RAB4A: variants seen among roughly 807,000 people sequenced by gnomAD.
The protein encoded by RAB4A is RAB4A, member RAS oncogene family, also known as ras-related protein Rab-4A.
In RAB4A, 20 loss-of-function variants were observed where a neutral mutation model predicts 34.5. The observed-to-expected ratio is 0.58, with a 90% CI of 0.41 to 0.84. The LOEUF is 0.84. Among genes scored for constraint, RAB4A ranks in the 40% least tolerant of loss-of-function variants. The pLI, the probability that RAB4A is intolerant of heterozygous loss-of-function variation, is 0.00. For synonymous variants in RAB4A, 102 were observed against 100.0 expected, an observed-to-expected ratio of 1.02 and a Z score of -0.12; for missense variants, 228 against 274.5, an observed-to-expected ratio of 0.83 and a Z score of 1.20.
chr1:229,299,745 A>G (rs1459111381), intron 6 of RAB4A, among the ~76,000 whole-genome samples: 2 of 152,180 alleles, frequency 1.3e-5, no homozygotes, highest in African/African-American at 4.8e-5. Flanking sequence ...AAATGAATAA[A>G]TCACACCCCT....
intron 1 of RAB4A, among the ~76,000 whole-genome samples, chr1:229,272,884 G>A (rs941423105): frequency 1.3e-5 from 2 of 152,216 alleles, no homozygotes; most frequent in East Asian, 1.9e-4. Context: ...CCTAGAAGGC[G>A]TAGGAAATCC....
intron 7 of RAB4A, 32 bp from the exon 8 acceptor site, chr1:229,303,774 C>G (rs1402403064): frequency 6.6e-6 from 1 of 152,174 alleles, no homozygotes; most frequent in African/African-American, 2.4e-5. Context: ...TATAGTTATG[C>G]AGATTTTGAA....
At position 229,305,296 on chromosome 1, in the gene RAB4A, T is replaced by C. The variant is rs182259062; in HGVS notation, c.*1503T>C. The C allele has an allele frequency of 2.0e-5, 32 of 1,589,950 alleles. No individual in the cohort carries two copies. Among genetic ancestry groups the C allele is most frequent in the Non-Finnish European group, 2.7e-5 (32 of 1,171,116 alleles). On this transcript the variant is annotated 3_prime_UTR_variant, in exon 8 of 8. Coordinates refer to ENST00000366690, the MANE Select transcript of RAB4A (RefSeq NM_004578.4). ...AGAATATTTTATTCAATGTCTCATTTATGATAGATTTGCAAGCTGCTCATT... is the reference window on the plus strand; with the variant it reads ...AGAATATTTTATTCAATGTCTCATTCATGATAGATTTGCAAGCTGCTCATT...
rs36017250 is a variant in RAB4A, at chr1:229,288,788, G to T, written c.172G>T (p.Gly58Cys). ...VEFGSKIINV[G>C]GKYVKLQIWD... The stretch of plus-strand genomic sequence containing the variant: ...ATTTGGTTCAAAGATAATAAATGTT[G>T]GTGGTAAATATGTAAAGTTACAAAT... Residue 58 changes from glycine to cysteine, a missense_variant, in exon 3 of 8, where the codon GGT (glycine) becomes TGT (cysteine). Gly to Cys is a radical substitution (Grantham distance 159, BLOSUM62 -3). Transcript: ENST00000366690. 55 of 1,598,348 alleles carry T rather than the reference G, an allele frequency of 3.4e-5. No homozygotes were observed. The African/African-American group carries it at 7.0e-4, about 20-fold the overall frequency.
intron 4 of RAB4A, among the ~76,000 whole-genome samples, chr1:229,297,121 A>G (rs963613851): frequency 1.3e-5 from 2 of 152,254 alleles, no homozygotes; most frequent in African/African-American, 2.4e-5. Flanking sequence ...GCAAGGATTC[A>G]TTAAGTGGCA....
At chr1:229,285,972 C>T (rs765772329) in intron 1 of RAB4A, among the ~76,000 whole-genome samples, 12 of 152,156 alleles carry the variant, frequency 7.9e-5, no homozygotes, top group African/African-American at 2.7e-4. Flanking sequence ...TGGCTTATGC[C>T]GTTATACAAA....
chr1:229,288,669 A>C lies in RAB4A; in HGVS notation c.113-60A>C. ...TCTTGGTTTTAGTGTCACTTGTTTA[A>C]ATCTATAAGCCTGTTAATGTTCTAA... On this transcript the variant is annotated intron_variant, in intron 2 of 7. Transcript: ENST00000366690. 5 of 875,036 alleles carry C rather than the reference A, an allele frequency of 5.7e-6. 1 individual carries two copies. The South Asian group carries it at 7.7e-5, about 13-fold the overall frequency. The allele number at this position is 875,036 out of a possible 1,614,324, so 54.2% of individuals were successfully genotyped here. A position where few individuals can be genotyped will look rare whatever the true frequency, so the allele number is the denominator to read the frequency against.
rs1481524388 is a variant in RAB4A at position 229,297,551 on chromosome 1, G to A, written c.360G>A (p.Val120=). ...DARMLASQNI[V]IILCGNKKDL... ...GAATGCTAGCGAGCCAGAACATTGT[G>A]ATCATCCTTTGTGGAAACAAGAAGG... The change falls in exon 5 of 8, where the codon GTG becomes GTA. Residue 120 remains valine, a synonymous_variant. Transcript: ENST00000366690. The A allele has an allele frequency of 1.2e-6, 2 of 1,613,352 alleles. No individual in the cohort carries two copies. Among genetic ancestry groups the A allele is most frequent in the South Asian group, 1.1e-5 (1 of 90,866 alleles).
chr1:229,288,344 T>A (rs1020212189), intron 2 of RAB4A, among the ~76,000 whole-genome samples: 1 of 152,354 alleles, frequency 6.6e-6, no homozygotes, highest in Admixed American at 6.5e-5. Context: ...ACCTCATTAC[T>A]TACTGAGTTC....
intron 1 of RAB4A, among the ~76,000 whole-genome samples, chr1:229,285,067 C>G (rs551948142): frequency 6.6e-6 from 1 of 152,178 alleles, no homozygotes; most frequent in Non-Finnish European, 1.5e-5. Flanking sequence ...TGTGGTGGCA[C>G]GATTCTAACT....
chr1:229,295,593 G>A (rs1248797620), intron 3 of RAB4A, among the ~76,000 whole-genome samples: 1 of 152,150 alleles, frequency 6.6e-6, no homozygotes, highest in Admixed American at 6.5e-5. Flanking sequence ...ACCCTGCTAG[G>A]AGTTCTCAAA....
chr1:229,295,477 A>G lies in RAB4A; in HGVS notation c.228-371A>G, dbSNP rs79161313. Reference sequence around the variant, plus strand: ...GCGAGAACTGGAAGAGATGGAGAAAATTGTGCCAGGGAGTGGGGTAGATGA... The same window carrying G: ...GCGAGAACTGGAAGAGATGGAGAAAGTTGTGCCAGGGAGTGGGGTAGATGA... On this transcript the variant is annotated intron_variant, in intron 3 of 7. Coordinates refer to ENST00000366690, the MANE Select transcript of RAB4A (RefSeq NM_004578.4). Among the ~76,000 whole-genome samples, 562 of 152,118 alleles carry G rather than the reference A, an allele frequency of 3.7e-3. 20 individuals carry two copies. The East Asian group carries it at 0.079, about 21-fold the overall frequency.
intron 1 of RAB4A, among the ~76,000 whole-genome samples, chr1:229,278,122 C>G (rs866069360): frequency 9.2e-5 from 14 of 152,210 alleles, no homozygotes; most frequent in East Asian, 1.9e-4. Flanking sequence ...ACCTTGGCCT[C>G]CCAAAATGCT....
intron 3 of RAB4A, among the ~76,000 whole-genome samples, chr1:229,294,221 A>G (rs1265916648): frequency 2.6e-5 from 4 of 152,170 alleles, no homozygotes; most frequent in African/African-American, 9.7e-5. Context: ...TCATGGAGAT[A>G]TGGAGGCAGC....
At chr1:229,300,866 G>A (rs534336348) in intron 6 of RAB4A, among the ~76,000 whole-genome samples, 202 of 152,296 alleles carry the variant, frequency 1.3e-3, no homozygotes, top group Non-Finnish European at 2.5e-3. Flanking sequence ...CCTGGAGTTG[G>A]AGGATGAGCA....
At position 229,304,933 on chromosome 1, in the gene RAB4A, T is replaced by C. The variant is rs1571840228; in HGVS notation, c.*1140T>C. On this transcript the variant is annotated 3_prime_UTR_variant, in exon 8 of 8. Coordinates refer to ENST00000366690, the MANE Select transcript of RAB4A (RefSeq NM_004578.4). ...TTTTAAAATGTCAGTGCAAAAAATA[T>C]ATGGTGGAACCTTTCTTTAAAGTTG... is the stretch of plus-strand genomic sequence containing the variant. 3.9e-5 allele frequency: 18 copies of C among 457,526 alleles called. No individual in the cohort carries two copies. The East Asian group carries it at 9.1e-4, about 23-fold the overall frequency. 28.3% of individuals were successfully genotyped at this position (457,526 alleles called of 1,614,324 possible).
At chr1:229,275,452 T>G (rs1656615437) in intron 1 of RAB4A, among the ~76,000 whole-genome samples, 1 of 152,120 alleles carries the variant, frequency 6.6e-6, no homozygotes, top group Admixed American at 6.5e-5. Context: ...AATAAACTTC[T>G]GTTGTTTTAA....
chr1:229,275,742 T>C (rs2102832963), intron 1 of RAB4A, among the ~76,000 whole-genome samples: 1 of 147,784 alleles, frequency 6.8e-6, no homozygotes, highest in Non-Finnish European at 1.5e-5. Context: ...TGCCTCAGCC[T>C]CCCAAGTAAC....
rs1366375715 is a variant in RAB4A at position 229,273,429 on chromosome 1, A to G, written c.31+2059A>G. 4.6e-5 allele frequency among the ~76,000 whole-genome samples: 7 copies of G among 152,196 alleles called. No homozygotes were observed. The South Asian group carries it at 1.4e-3, about 32-fold the overall frequency. On this transcript the variant is annotated intron_variant, in intron 1 of 7. Coordinates refer to ENST00000366690, the MANE Select transcript of RAB4A (RefSeq NM_004578.4). Reference sequence around the variant, plus strand: ...TTCTAATAGAGGAAATTAATCGAAAACTAGTAGAAACTAATAAATAGAAAA... The same window carrying G: ...TTCTAATAGAGGAAATTAATCGAAAGCTAGTAGAAACTAATAAATAGAAAA...
Sources: allele counts gnomAD v4.1 joint callset (sites outside exome capture counted in the v4.1 genomes callset), GRCh38; gene constraint gnomAD v4.1.1; transcripts MANE v1.5; gene names NCBI Gene and HGNC (gene_info 2026-07-23, HGNC 2026-07-21).